Variants in DCAF8L2 observed in about 807,000 individuals in gnomAD.
DCAF8L2 encodes the protein DDB1 and CUL4 associated factor 8 like 2, also known as DDB1- and CUL4-associated factor 8-like protein 2.
For missense variants in DCAF8L2, 430 were observed against 490.7 expected (o/e 0.88, Z 1.17); for synonymous variants, 200 against 190.9 (o/e 1.05, Z -0.39).
At chrX:27,495,391 C>T in the DCAF8L2 span, among the ~76,000 whole-genome samples, 858 of 111,286 alleles carry the variant, frequency 7.7e-3, 7 homozygotes, top group South Asian at 0.028. Context: ...TCTCCTAGGA[C>T]CTTTGCATTT....
chrX:27,477,482 T>G, the DCAF8L2 span, among the ~76,000 whole-genome samples: 6 of 110,807 alleles, frequency 5.4e-5, no homozygotes, highest in Non-Finnish European at 5.7e-5. Context: ...AGAGACGGGG[T>G]TTCATCGTGT....
intron 2 of DCAF8L2, among the ~76,000 whole-genome samples, chrX:27,634,546 A>G (rs1466533577): frequency 9.0e-6 from 1 of 110,976 alleles, no homozygotes; most frequent in Non-Finnish European, 1.9e-5. Context: ...CTAACTGTAA[A>G]GAAAATAGGA....
At chrX:27,507,491 T>C in the DCAF8L2 span, among the ~76,000 whole-genome samples, 1 of 112,131 alleles carries the variant, frequency 8.9e-6, no homozygotes, top group Admixed American at 9.5e-5. Flanking sequence ...AAAAGTGTTA[T>C]GTAGTCATTC....
chrX:27,612,831 A>G (rs1254977778), intron 1 of DCAF8L2, among the ~76,000 whole-genome samples: 3 of 111,915 alleles, frequency 2.7e-5, no homozygotes, highest in Non-Finnish European at 3.8e-5. Context: ...TGCCAGTACC[A>G]TGCTGTTTTG....
rs762937950 is a variant in DCAF8L2, at chrX:27,749,174, T to G, written c.*383T>G. ...CTCAAATCTGACAGTCTGAAAACGG[T>G]TACCTTTTTACTTTTTTTCATCTTT... On this transcript the variant is annotated 3_prime_UTR_variant, in exon 5 of 5. Transcript: ENST00000451261. Among the ~76,000 whole-genome samples the G allele has an allele frequency of 8.9e-6, 1 of 112,041 alleles. No individual in the cohort carries two copies. The highest frequency in any genetic ancestry group is 9.5e-5 in the Admixed American group (1 of 10,479).
At chrX:27,516,499 TACTC>T in the DCAF8L2 span, among the ~76,000 whole-genome samples, 1 of 102,453 alleles carries the variant, frequency 9.8e-6, no homozygotes, top group Non-Finnish European at 2.0e-5. Context: ...CACACACACA[TACTC>T]TCTCTCTCTC....
At chrX:27,662,463 AAG>A (rs1435203773) in intron 2 of DCAF8L2, among the ~76,000 whole-genome samples, 1 of 111,857 alleles carries the variant, frequency 8.9e-6, no homozygotes, top group African/African-American at 3.2e-5. Context: ...TTTCTTTCAA[AAG>A]AGAGATAACA....
At chrX:27,664,631 G>A (rs181299016) in intron 2 of DCAF8L2, among the ~76,000 whole-genome samples, 74 of 112,173 alleles carry the variant, frequency 6.6e-4, no homozygotes, top group Admixed American at 1.1e-3. Context: ...AGGCCGTCTA[G>A]GACATTGATA....
intron 2 of DCAF8L2, among the ~76,000 whole-genome samples, chrX:27,653,005 T>C (rs1569172556): frequency 8.9e-6 from 1 of 112,171 alleles, no homozygotes; most frequent in African/African-American, 3.2e-5. Context: ...CATTTTTCTT[T>C]TTATGTAGCT....
chrX:27,546,831 C>T, the DCAF8L2 span, among the ~76,000 whole-genome samples: 1 of 112,156 alleles, frequency 8.9e-6, no homozygotes, highest in Non-Finnish European at 1.9e-5. Context: ...CCCATAAAAC[C>T]ATTTTTCCTC....
chrX:27,632,109 C>T (rs1928312015), intron 2 of DCAF8L2, 109 bp downstream of exon 2: 1 of 111,587 alleles, frequency 9.0e-6, no homozygotes, highest in South Asian at 3.8e-4. Flanking sequence ...CTTCTTCCCT[C>T]AAGCAGAAAG....
chrX:27,676,454 A>C (rs1162153596), intron 2 of DCAF8L2, among the ~76,000 whole-genome samples: 1 of 111,483 alleles, frequency 9.0e-6, no homozygotes, highest in East Asian at 2.8e-4. Context: ...CTACTTATAC[A>C]ATATTAGAAT....
At chrX:27,582,399 T>C in the DCAF8L2 span, among the ~76,000 whole-genome samples, 5 of 111,507 alleles carry the variant, frequency 4.5e-5, no homozygotes, top group Non-Finnish European at 9.4e-5. Flanking sequence ...ATATTTTATT[T>C]AGTTGTTGTG....
At chrX:27,510,637 G>A in the DCAF8L2 span, among the ~76,000 whole-genome samples, 2 of 108,413 alleles carry the variant, frequency 1.8e-5, no homozygotes, top group South Asian at 7.8e-4. Context: ...TCATCTTTTG[G>A]TTTCTATGTA....
chrX:27,620,905 A>G (rs919481782), intron 1 of DCAF8L2, among the ~76,000 whole-genome samples: 3 of 112,233 alleles, frequency 2.7e-5, no homozygotes, highest in Non-Finnish European at 3.8e-5. Flanking sequence ...CAGCTAAAAT[A>G]TGGAAGCATA....
chrX:27,544,599 A>G, the DCAF8L2 span, among the ~76,000 whole-genome samples: 1 of 112,149 alleles, frequency 8.9e-6, no homozygotes, highest in East Asian at 2.8e-4. Flanking sequence ...TTTTGATGTA[A>G]AACCATTTCC....
At chrX:27,598,348 C>T (rs969627509) in intron 1 of DCAF8L2, among the ~76,000 whole-genome samples, 5 of 110,680 alleles carry the variant, frequency 4.5e-5, no homozygotes, top group Non-Finnish European at 7.6e-5. Flanking sequence ...TAATATAACC[C>T]CCCCCACCCA....
At chrX:27,668,250 T>C (rs774526834) in intron 2 of DCAF8L2, among the ~76,000 whole-genome samples, 6 of 112,055 alleles carry the variant, frequency 5.4e-5, no homozygotes, top group African/African-American at 1.6e-4. Context: ...CTAACATGTT[T>C]GTCAGCATAT....
chrX:27,725,544 T>A (rs756313373), intron 4 of DCAF8L2, among the ~76,000 whole-genome samples: 4 of 110,351 alleles, frequency 3.6e-5, no homozygotes, highest in African/African-American at 1.3e-4. Flanking sequence ...ATATTTATAT[T>A]TTAAGTCTTT....
Sources: gnomAD v4.1 joint callset for allele counts (sites outside exome capture counted in the v4.1 genomes callset) on GRCh38, gnomAD v4.1.1 for gene constraint, MANE v1.5 for transcripts, NCBI Gene and HGNC (gene_info 2026-07-23, HGNC 2026-07-21) for gene names.